SERINC5: variants seen among roughly 807,000 people sequenced by gnomAD.
SERINC5 encodes serine incorporator 5, also known as chromosome 5 open reading frame 12.
A neutral mutation model predicts 63.1 loss-of-function variants in SERINC5; 41 were observed. The ratio of observed to expected loss-of-function variants is 0.65; its 90% CI spans 0.51 to 0.84. SERINC5 has a LOEUF of 0.84. SERINC5 is among the 40% of genes least tolerant of loss of function. SERINC5 has a pLI of 0.00. For missense variants in SERINC5, 523 were observed against 573.0 expected, an observed-to-expected ratio of 0.91 and a Z score of 0.89; for synonymous variants, 222 against 215.2, an observed-to-expected ratio of 1.03 and a Z score of -0.28.
chr5:80,223,120 G>A (rs1750986603), intron 1 of SERINC5, among the ~76,000 whole-genome samples: 1 of 152,190 alleles, frequency 6.6e-6, no homozygotes, highest in Admixed American at 6.5e-5. Context: ...GCCTTCCCAG[G>A]TGCTGGGATT....
At chr5:80,134,565 C>T (rs1745080142), downstream of SERINC5, among the ~76,000 whole-genome samples, 2 of 152,160 alleles carry the variant, frequency 1.3e-5, no homozygotes, top group African/African-American at 4.8e-5. Flanking sequence ...AAAATTAGTT[C>T]AGCCTACACC....
At chr5:80,246,012 C>A (rs892265335) in intron 1 of SERINC5, among the ~76,000 whole-genome samples, 2 of 143,452 alleles carry the variant, frequency 1.4e-5, no homozygotes, top group East Asian at 2.1e-4. Context: ...AAAATAAGTC[C>A]AACAAAGTCC....
In SERINC5 at chr5:80,178,055, A is replaced by G. The variant is rs1318392582; in HGVS notation, c.205T>C (p.Phe69Leu). ...TTAATGCCTTTACACATATCTTCAA[A>G]AAAAGGAATCTGAGGAGAAAGTTTA... ...AHKMKEHIPF[F>L]EDMCKGIKAG... The change falls in exon 3 of 12, where the codon TTT becomes CTT. Residue 69 changes from phenylalanine to leucine, a missense_variant. Transcript: ENST00000507668. The G allele has an allele frequency of 1.9e-5, 31 of 1,597,166 alleles. No homozygotes were observed. Among genetic ancestry groups the G allele is most frequent in the Non-Finnish European group, 2.6e-5 (31 of 1,174,272 alleles).
At chr5:80,120,574 G>T (rs1179534184) in intron 11 of SERINC5, among the ~76,000 whole-genome samples, 2 of 152,146 alleles carry the variant, frequency 1.3e-5, no homozygotes, top group African/African-American at 4.8e-5. Context: ...AGCACTTTGG[G>T]AGGCTGAGGC....
At chr5:80,156,426 A>G (rs1746521821) in intron 8 of SERINC5, among the ~76,000 whole-genome samples, 1 of 152,136 alleles carries the variant, frequency 6.6e-6, no homozygotes, top group African/African-American at 2.4e-5. Flanking sequence ...CCCCTCGAAG[A>G]GCTGCAGTGA....
At chr5:80,206,433 T>C (rs1301611389) in intron 1 of SERINC5, among the ~76,000 whole-genome samples, 1 of 152,226 alleles carries the variant, frequency 6.6e-6, no homozygotes, top group East Asian at 1.9e-4. Context: ...CATTCTCTAC[T>C]GTTTCATCAC....
chr5:80,198,968 G>A (rs774683636), intron 2 of SERINC5, among the ~76,000 whole-genome samples: 1 of 152,172 alleles, frequency 6.6e-6, no homozygotes, highest in Non-Finnish European at 1.5e-5. Flanking sequence ...TTCTCTGACT[G>A]TAAGTCACCC....
At chr5:80,234,053 G>A (rs1003745709) in intron 1 of SERINC5, among the ~76,000 whole-genome samples, 3 of 151,806 alleles carry the variant, frequency 2.0e-5, no homozygotes, top group Non-Finnish European at 4.4e-5. Flanking sequence ...CTCGTGATCC[G>A]TCCGTCTCAG....
chr5:80,118,983 T>C (rs1042834583), intron 11 of SERINC5, among the ~76,000 whole-genome samples: 3 of 152,058 alleles, frequency 2.0e-5, no homozygotes, highest in African/African-American at 7.2e-5. Context: ...TACACCAACA[T>C]TTGGTCCACT....
At chr5:80,182,546 C>CA (rs1288860758) in intron 2 of SERINC5, among the ~76,000 whole-genome samples, 1 of 39,698 alleles carries the variant, frequency 2.5e-5, no homozygotes, top group Non-Finnish European at 4.8e-5. Context: ...ATCTGACCGC[C>CA]CCCCCCCCCT....
At chr5:80,211,948 C>G (rs902488135) in intron 1 of SERINC5, among the ~76,000 whole-genome samples, 4 of 152,194 alleles carry the variant, frequency 2.6e-5, no homozygotes, top group Non-Finnish European at 5.9e-5. Context: ...AGCTTCAGTG[C>G]TTGAGTTTTG....
intron 5 of SERINC5, among the ~76,000 whole-genome samples, chr5:80,172,519 A>C (rs955345596): frequency 2.0e-5 from 3 of 152,222 alleles, no homozygotes; most frequent in Admixed American, 2.0e-4. Flanking sequence ...GTGTTCAAGC[A>C]ACCCAGCTAA....
chr5:80,177,913 T>C lies in SERINC5; in HGVS notation c.347A>G (p.Lys116Arg). 13 of 1,610,654 alleles carry C rather than the reference T, an allele frequency of 8.1e-6. No homozygotes were observed. The highest frequency in any genetic ancestry group is 1.1e-5 in the Non-Finnish European group (13 of 1,178,828). ...ATTGTGAATATGAGCTCTACAACTTTTGCTGTTGTTGATTTTCAAGGTCAG... is the reference window on the plus strand; with the variant it reads ...ATTGTGAATATGAGCTCTACAACTTCTGCTGTTGTTGATTTTCAAGGTCAG... ...CLLTLKINNS[K>R]SCRAHIHNGF... Residue 116 changes from lysine to arginine, a missense_variant, in exon 3 of 12, where the codon AAA becomes AGA. By Grantham distance (26) the Lys-to-Arg change is conservative. Coordinates refer to ENST00000507668, the MANE Select transcript of SERINC5 (RefSeq NM_001174072.3).
intron 2 of SERINC5, among the ~76,000 whole-genome samples, chr5:80,189,396 T>C (rs947971526): frequency 2.6e-5 from 4 of 152,118 alleles, no homozygotes; most frequent in Admixed American, 2.6e-4. Flanking sequence ...AGAGAGTGAA[T>C]AGGACCCTCT....
chr5:80,152,766 C>T (rs541262388), intron 8 of SERINC5, among the ~76,000 whole-genome samples: 1 of 152,070 alleles, frequency 6.6e-6, no homozygotes, highest in African/African-American at 2.4e-5. Flanking sequence ...CATGGCAAAA[C>T]CCCATCTATA....
rs370725993 is a variant in SERINC5, at chr5:80,171,837, C to T, written c.552-2291G>A. Among the ~76,000 whole-genome samples the T allele has an allele frequency of 4.0e-5, 6 of 151,794 alleles. No individual in the cohort carries two copies. The East Asian group carries it at 5.8e-4, about 15-fold the overall frequency. ...TCAAGGCTGCAGTGAGCTATGACTG[C>T]GCCACGGCACTCCAGCCTGGGTGAC... On this transcript the variant is annotated intron_variant, in intron 5 of 11. Coordinates refer to ENST00000507668, the MANE Select transcript of SERINC5 (RefSeq NM_001174072.3).
At position 80,168,202 on chromosome 5, in the gene SERINC5, C is replaced by CT. The variant is rs373157255; in HGVS notation, c.763+1132dup. On this transcript the variant is annotated intron_variant, in intron 6 of 11. Transcript: ENST00000507668. ...AAACAAATTATTTGTGACTAGTTGCCTTTTTTTTTTTCGACACAGAGTCTC... is the reference window on the plus strand; with the variant it reads ...AAACAAATTATTTGTGACTAGTTGCCTTTTTTTTTTTTCGACACAGAGTCTC... Among the ~76,000 whole-genome samples the CT allele has an allele frequency of 4.0e-4, 58 of 144,574 alleles. 1 individual carries two copies. Among genetic ancestry groups the CT allele is most frequent in the South Asian group, 2.2e-3 (10 of 4,566 alleles). 94.8% of individuals were successfully genotyped at this position (144,574 alleles called of 152,430 possible).
intron 1 of SERINC5, among the ~76,000 whole-genome samples, chr5:80,212,920 C>G (rs1561431054): frequency 6.6e-6 from 1 of 152,154 alleles, no homozygotes; most frequent in East Asian, 1.9e-4. Context: ...GGCTTTCCCC[C>G]ATACAAAAGA....
chr5:80,194,679 G>C (rs1173989483), intron 2 of SERINC5, among the ~76,000 whole-genome samples: 1 of 152,138 alleles, frequency 6.6e-6, no homozygotes, highest in African/African-American at 2.4e-5. Flanking sequence ...GCTGCTGAGG[G>C]CCCCAGGCAG....
Sources: allele counts gnomAD v4.1 joint callset (sites outside exome capture counted in the v4.1 genomes callset), GRCh38; gene constraint gnomAD v4.1.1; transcripts MANE v1.5; gene names NCBI Gene and HGNC (gene_info 2026-07-23, HGNC 2026-07-21).